Variants in CCSER1 observed in about 807,000 individuals in gnomAD.
CCSER1 encodes the protein serine-rich coiled-coil domain-containing protein 1.
In CCSER1, 41 loss-of-function variants were observed where a neutral mutation model predicts 82.0. The ratio of observed to expected loss-of-function variants is 0.50; its 90% CI spans 0.39 to 0.65. The LOEUF (loss-of-function observed/expected upper bound fraction) is 0.65. Among genes scored for constraint, CCSER1 ranks in the 30% least tolerant of loss-of-function variants. The pLI, the probability that CCSER1 is intolerant of heterozygous loss-of-function variation, is 0.00. For missense variants in CCSER1, 1,119 were observed against 1,064.2 expected, an observed-to-expected ratio of 1.05 and a Z score of -0.72; for synonymous variants, 414 against 383.9, an observed-to-expected ratio of 1.08 and a Z score of -0.92.
chr4:91,416,992 T>C (rs543437975), intron 10 of CCSER1, among the ~76,000 whole-genome samples: 17 of 152,146 alleles, frequency 1.1e-4, no homozygotes, highest in African/African-American at 4.1e-4. Context: ...TACAAGGAGC[T>C]TAAACAAATT....
intron 3 of CCSER1, among the ~76,000 whole-genome samples, chr4:90,364,838 T>C (rs890971904): frequency 6.6e-6 from 1 of 151,916 alleles, no homozygotes; most frequent in Non-Finnish European, 1.5e-5. Flanking sequence ...GAGAATCTTA[T>C]AGGTCAAAAT....
At chr4:91,094,556 C>T (rs1724306420) in intron 10 of CCSER1, among the ~76,000 whole-genome samples, 1 of 152,116 alleles carries the variant, frequency 6.6e-6, no homozygotes, top group Admixed American at 6.5e-5. Flanking sequence ...TGGAGATTGT[C>T]AAGGAACTAT....
intron 6 of CCSER1, among the ~76,000 whole-genome samples, chr4:90,641,202 C>A (rs1726450991): frequency 6.6e-6 from 1 of 151,828 alleles, no homozygotes; most frequent in African/African-American, 2.4e-5. Context: ...ATTTTGAGTA[C>A]AAAAATCAAG....
intron 1 of CCSER1, among the ~76,000 whole-genome samples, chr4:90,275,839 A>G (rs2153456960): frequency 6.6e-6 from 1 of 152,336 alleles, no homozygotes; most frequent in South Asian, 2.1e-4. Flanking sequence ...AAGTGATGTC[A>G]AAATGATCTG....
At chr4:90,826,852 G>T (rs1370385458) in intron 8 of CCSER1, among the ~76,000 whole-genome samples, 1 of 152,162 alleles carries the variant, frequency 6.6e-6, no homozygotes, top group East Asian at 1.9e-4. Context: ...TTATGGATTG[G>T]TTACCATTCA....
chr4:90,701,152 A>G (rs1738029091), intron 6 of CCSER1, among the ~76,000 whole-genome samples: 1 of 152,166 alleles, frequency 6.6e-6, no homozygotes, highest in Admixed American at 6.5e-5. Context: ...TCTTGAATTA[A>G]TTTTTGTAGA....
chr4:91,089,106 T>C (rs1401010652), intron 10 of CCSER1, among the ~76,000 whole-genome samples: 1 of 152,136 alleles, frequency 6.6e-6, no homozygotes, highest in East Asian at 1.9e-4. Context: ...AATCCGAGCT[T>C]GTTGAGTGCA....
intron 7 of CCSER1, among the ~76,000 whole-genome samples, chr4:90,812,121 G>A (rs1002643446): frequency 1.3e-5 from 2 of 152,038 alleles, no homozygotes; most frequent in African/African-American, 4.8e-5. Flanking sequence ...GGAGTCCAAT[G>A]TTCAAGGGCA....
At chr4:91,145,674 T>C (rs1729467844) in intron 10 of CCSER1, among the ~76,000 whole-genome samples, 1 of 152,204 alleles carries the variant, frequency 6.6e-6, no homozygotes, top group Non-Finnish European at 1.5e-5. Flanking sequence ...ATTGCTTGCA[T>C]GCCTGACAAA....
At chr4:90,701,907 T>A (rs1451987312) in intron 6 of CCSER1, among the ~76,000 whole-genome samples, 3 of 152,230 alleles carry the variant, frequency 2.0e-5, no homozygotes, top group Admixed American at 2.0e-4. Context: ...TATACAATCA[T>A]GTCATCTGTA....
chr4:90,879,144 T>C (rs1048437938), intron 8 of CCSER1, among the ~76,000 whole-genome samples: 1 of 152,214 alleles, frequency 6.6e-6, no homozygotes, highest in Non-Finnish European at 1.5e-5. Context: ...TCTGACTGTC[T>C]TATTTCAGTT....
chr4:91,156,412 G>C (rs900528308), intron 10 of CCSER1, among the ~76,000 whole-genome samples: 1 of 151,388 alleles, frequency 6.6e-6, no homozygotes, highest in African/African-American at 2.4e-5. Flanking sequence ...CAACTGTTCT[G>C]ATCCTTAGAA....
chr4:90,725,120 GA>G, intron 7 of CCSER1: 1 of 275,464 alleles, frequency 3.6e-6, no homozygotes, highest in Non-Finnish European at 7.4e-6. Flanking sequence ...AGATAAATGA[GA>G]AAATAATACT....
chr4:91,465,785 C>T (rs1245277690), intron 10 of CCSER1, among the ~76,000 whole-genome samples: 1 of 152,136 alleles, frequency 6.6e-6, no homozygotes, highest in Non-Finnish European at 1.5e-5. Context: ...CACATACACC[C>T]TCCCAAGACT....
intron 8 of CCSER1, among the ~76,000 whole-genome samples, chr4:90,820,405 T>G (rs1244928118): frequency 6.6e-6 from 1 of 152,156 alleles, no homozygotes; most frequent in African/African-American, 2.4e-5. Flanking sequence ...AGCTAGCAGG[T>G]TAGGGCCCAT....
chr4:91,327,045 C>T (rs143561985), intron 10 of CCSER1, among the ~76,000 whole-genome samples: 1 of 152,180 alleles, frequency 6.6e-6, no homozygotes, highest in African/African-American at 2.4e-5. Context: ...CAGTTCCAGG[C>T]ACATGGTACA....
intron 7 of CCSER1, among the ~76,000 whole-genome samples, chr4:90,798,270 G>A (rs62314102): frequency 0.35 from 52,630 of 151,854 alleles, 9,552 homozygotes; most frequent in African/African-American, 0.45. Flanking sequence ...ATATTCTGCT[G>A]TTGATACTTG....
intron 10 of CCSER1, among the ~76,000 whole-genome samples, chr4:91,211,210 A>G (rs778280037): frequency 4.6e-5 from 7 of 152,042 alleles, no homozygotes; most frequent in Admixed American, 6.6e-5. Context: ...TGCCATAGCA[A>G]TAATTCAGAG....
intron 5 of CCSER1, among the ~76,000 whole-genome samples, chr4:90,519,408 AT>A (rs1425814455): frequency 6.6e-6 from 1 of 151,936 alleles, no homozygotes; most frequent in Non-Finnish European, 1.5e-5. Context: ...GCTTCTTAAA[AT>A]TTGATCTAGC....
Sources: allele counts gnomAD v4.1 joint callset (sites outside exome capture counted in the v4.1 genomes callset), GRCh38; gene constraint gnomAD v4.1.1; transcripts MANE v1.5; gene names NCBI Gene and HGNC (gene_info 2026-07-23, HGNC 2026-07-21).